The following ALK variants were observed in gnomAD, a reference collection of about 807,000 sequenced individuals.
ALK encodes ALK tyrosine kinase receptor.
ALK carries 74 observed loss-of-function variants against 163.1 expected under a neutral mutation model. The ratio of observed to expected loss-of-function variants is 0.45; its 90% CI spans 0.38 to 0.55. The LOEUF (loss-of-function observed/expected upper bound fraction) is 0.55, where lower values mean the gene tolerates loss of function less well. ALK is among the 20% of genes least tolerant of loss of function. The pLI is 0.00. For missense variants in ALK, 2,063 were observed against 2,105.3 expected (o/e 0.98, Z 0.39); for synonymous variants, 960 against 843.2 (o/e 1.14, Z -2.40).
intron 11 of ALK, 147 bp from the exon 12 acceptor site, chr2:29,251,414 C>T: frequency 1.2e-6 from 1 of 801,028 alleles, no homozygotes. Flanking sequence ...AAACACCAAT[C>T]AGCCATCGAA....
chr2:29,755,491 C>A (rs1680493999), intron 1 of ALK, among the ~76,000 whole-genome samples: 1 of 152,174 alleles, frequency 6.6e-6, no homozygotes, highest in South Asian at 2.1e-4. Context: ...ACCGGAATTT[C>A]AAAGGGCCCA....
intron 4 of ALK, among the ~76,000 whole-genome samples, chr2:29,391,066 GGGCTGGGTTCCCTGGGGCTGCA>G (rs1166447717): frequency 6.6e-6 from 1 of 152,172 alleles, no homozygotes; most frequent in Non-Finnish European, 1.5e-5. Flanking sequence ...GGCCAAGGCA[GGGCTGGGTTCCCTGGGGCTGCA>G]GGCCTGCTTG....
intron 20 of ALK, 80 bp from the exon 21 acceptor site, chr2:29,222,687 G>A (rs910085666): frequency 3.9e-5 from 48 of 1,236,820 alleles, no homozygotes; most frequent in East Asian, 3.0e-4. Context: ...GAGCCTGGGC[G>A]TCACATTTAG....
intron 4 of ALK, among the ~76,000 whole-genome samples, chr2:29,525,087 C>T (rs746668084): frequency 6.6e-6 from 1 of 152,192 alleles, no homozygotes; most frequent in Non-Finnish European, 1.5e-5. Flanking sequence ...AGCCATAGTC[C>T]TTCTAGAGAC....
intron 5 of ALK, among the ~76,000 whole-genome samples, chr2:29,371,383 A>G (rs748529954): frequency 7.2e-5 from 11 of 152,238 alleles, no homozygotes; most frequent in Non-Finnish European, 1.5e-4. Context: ...CTCCCTGCAC[A>G]AAGCCCTTCA....
chr2:29,439,394 AT>A (rs1460006952), intron 4 of ALK, among the ~76,000 whole-genome samples: 19 of 152,346 alleles, frequency 1.2e-4, no homozygotes, highest in African/African-American at 4.6e-4. Context: ...TTAATAAAAA[AT>A]AAATATAAAT....
At chr2:29,637,812 A>G (rs1246892476) in intron 3 of ALK, among the ~76,000 whole-genome samples, 1 of 151,840 alleles carries the variant, frequency 6.6e-6, no homozygotes, top group African/African-American at 2.4e-5. Context: ...TGTTTTCAAG[A>G]TATTACTGTT....
intron 1 of ALK, among the ~76,000 whole-genome samples, chr2:29,774,815 C>A (rs910135975): frequency 6.6e-6 from 1 of 152,118 alleles, no homozygotes; most frequent in Non-Finnish European, 1.5e-5. Flanking sequence ...CATATGACTT[C>A]TTTTTGAAAA....
intron 12 of ALK, 118 bp from the exon 13 acceptor site, chr2:29,239,948 C>T: frequency 8.3e-7 from 1 of 1,202,858 alleles, no homozygotes; most frequent in Non-Finnish European, 1.2e-6. Context: ...AGGGTTCTCC[C>T]CCATATCAGT....
intron 4 of ALK, among the ~76,000 whole-genome samples, chr2:29,492,311 G>C (rs1267674731): frequency 2.6e-5 from 4 of 152,156 alleles, no homozygotes; most frequent in South Asian, 2.1e-4. Flanking sequence ...GTGTGTATTT[G>C]AGTGTGTTTT....
intron 26 of ALK, among the ~76,000 whole-genome samples, chr2:29,204,264 C>T (rs971071925): frequency 1.1e-4 from 16 of 152,226 alleles, no homozygotes; most frequent in African/African-American, 3.6e-4. Context: ...AAAGCCCATA[C>T]TTCATTCAGA....
chr2:29,262,760 C>A (rs774162341), intron 11 of ALK, among the ~76,000 whole-genome samples: 6 of 152,234 alleles, frequency 3.9e-5, no homozygotes, highest in Non-Finnish European at 7.3e-5. Flanking sequence ...CAAGCTGGGG[C>A]TGTCTAGATA....
At chr2:29,219,618 G>A (rs1026590639) in intron 23 of ALK, among the ~76,000 whole-genome samples, 2 of 152,208 alleles carry the variant, frequency 1.3e-5, no homozygotes, top group Non-Finnish European at 2.9e-5. Flanking sequence ...CCTGGTATCC[G>A]GGGCCTGCTG....
chr2:29,814,255 G>C (rs1664835181), intron 1 of ALK, among the ~76,000 whole-genome samples: 1 of 152,154 alleles, frequency 6.6e-6, no homozygotes, highest in South Asian at 2.1e-4. Context: ...AAGTGGTGGA[G>C]CTGTGAGTTT....
rs866537562 is a variant in ALK, at chr2:29,433,439, A to C, written c.1155-49580T>G. Among the ~76,000 whole-genome samples, 4 of 152,302 alleles carry C rather than the reference A, an allele frequency of 2.6e-5. No homozygotes were observed. The Middle Eastern group carries it at 0.01, about 389-fold the overall frequency. The stretch of plus-strand genomic sequence containing the variant: ...TAGGAGGCTTGATACTATATCTGAG[A>C]GAATACCAAATTGTTCCCCCCAAGT... On this transcript the variant is annotated intron_variant, in intron 4 of 28. Transcript: ENST00000389048.
chr2:29,452,611 A>G (rs570752245), intron 4 of ALK, among the ~76,000 whole-genome samples: 2 of 152,348 alleles, frequency 1.3e-5, no homozygotes, highest in South Asian at 2.1e-4. Context: ...GGATATTTAT[A>G]TAGTCTCAAA....
At chr2:29,218,129 T>C (rs1278140753) in intron 23 of ALK, among the ~76,000 whole-genome samples, 1 of 152,122 alleles carries the variant, frequency 6.6e-6, no homozygotes, top group Admixed American at 6.5e-5. Flanking sequence ...AATTGGACAT[T>C]TGAAATCGGC....
At chr2:29,497,781 G>T (rs1672068628) in intron 4 of ALK, among the ~76,000 whole-genome samples, 1 of 151,998 alleles carries the variant, frequency 6.6e-6, no homozygotes, top group Non-Finnish European at 1.5e-5. Flanking sequence ...GAAAAATAAG[G>T]CATGATCATT....
intron 18 of ALK, 118 bp from the exon 19 acceptor site, chr2:29,225,683 G>A (rs1203893957): frequency 1.2e-6 from 1 of 831,794 alleles, no homozygotes; most frequent in Admixed American, 2.0e-5. Context: ...TCCCATCGCT[G>A]GAGACCTTGT....
Sources: allele counts gnomAD v4.1 joint callset (sites outside exome capture counted in the v4.1 genomes callset), GRCh38; gene constraint gnomAD v4.1.1; transcripts MANE v1.5; gene names NCBI Gene and HGNC (gene_info 2026-07-23, HGNC 2026-07-21).